The following KCNQ3 variants were observed in gnomAD, a reference collection of about 807,000 sequenced individuals.
KCNQ3 encodes the protein potassium voltage-gated channel subfamily KQT member 3.
KCNQ3 carries 30 observed loss-of-function variants against 92.5 expected under a neutral mutation model. The observed-to-expected ratio is 0.32, with a 90% CI of 0.24 to 0.44. The LOEUF is 0.44. Among genes scored for constraint, KCNQ3 ranks in the 20% least tolerant of loss-of-function variants. The pLI, the probability that KCNQ3 is intolerant of heterozygous loss-of-function variation, is 1.00. For synonymous variants in KCNQ3, 450 were observed against 468.8 expected (o/e 0.96, Z 0.52); for missense variants, 913 against 1,140.3 (o/e 0.80, Z 2.87).
At chr8:132,227,683 A>G (rs1369618812) in intron 1 of KCNQ3, among the ~76,000 whole-genome samples, 1 of 152,196 alleles carries the variant, frequency 6.6e-6, no homozygotes, top group South Asian at 2.1e-4. Flanking sequence ...CCGGGGGCAA[A>G]TGACACTCTC....
chr8:132,182,914 T>A lies in KCNQ3; in HGVS notation c.604+1327A>T, dbSNP rs999752881. On this transcript the variant is annotated intron_variant, in intron 3 of 14. Coordinates refer to ENST00000388996, the MANE Select transcript of KCNQ3 (RefSeq NM_004519.4). ...CACACACACACACACACACACACAC[T>A]CACATACCTTCCGTACATTCAAAAT... 7.4e-4 allele frequency among the ~76,000 whole-genome samples: 98 copies of A among 132,268 alleles called. 1 individual carries two copies. The South Asian group carries it at 0.021, about 28-fold the overall frequency. The allele number at this position is 132,268 out of a possible 152,430, so 86.8% of individuals were successfully genotyped here.
chr8:132,138,132 G>A (rs150953215), intron 11 of KCNQ3, 116 bp from the exon 12 acceptor site: 4 of 1,239,926 alleles, frequency 3.2e-6, no homozygotes, highest in East Asian at 2.4e-5. Flanking sequence ...AAAAGAGCTT[G>A]CTGGAAGAAC....
intron 1 of KCNQ3, among the ~76,000 whole-genome samples, chr8:132,473,401 G>A (rs1042719109): frequency 2.6e-5 from 4 of 152,270 alleles, no homozygotes; most frequent in Non-Finnish European, 5.9e-5. Flanking sequence ...TGGCTGGGAC[G>A]TTGACCAGAT....
intron 4 of KCNQ3, among the ~76,000 whole-genome samples, chr8:132,177,066 C>T (rs17576083): frequency 0.052 from 7,909 of 152,272 alleles, 317 homozygotes; most frequent in Non-Finnish European, 0.074. Flanking sequence ...ATAAGCCTCT[C>T]GCCTATGGAG....
rs570718256 is a variant in KCNQ3, at chr8:132,432,354, G to C, written c.386+47793C>G. Among the ~76,000 whole-genome samples, 7 of 118,394 alleles carry C rather than the reference G, an allele frequency of 5.9e-5. No individual in the cohort carries two copies. The South Asian group carries it at 2.0e-3, about 34-fold the overall frequency. 77.7% of individuals were successfully genotyped at this position (118,394 alleles called of 152,430 possible). On this transcript the variant is annotated intron_variant, in intron 1 of 14. Transcript: ENST00000388996. ...GGGCCTAAGGCAGAAAATGAATACG[G>C]CAAAAAAAAAAAAACCTGGAACATA...
intron 1 of KCNQ3, among the ~76,000 whole-genome samples, chr8:132,230,706 T>C (rs1320781969): frequency 6.6e-6 from 1 of 152,226 alleles, no homozygotes; most frequent in South Asian, 2.1e-4. Flanking sequence ...TACATTTCAC[T>C]GGTTGTTTCC....
chr8:132,383,712 A>C (rs1404344457), intron 1 of KCNQ3, among the ~76,000 whole-genome samples: 1 of 152,196 alleles, frequency 6.6e-6, no homozygotes, highest in Non-Finnish European at 1.5e-5. Context: ...GACCTTGTGG[A>C]TGCGGATCGG....
At chr8:132,163,081 T>C (rs749515489) in intron 9 of KCNQ3, among the ~76,000 whole-genome samples, 1 of 152,168 alleles carries the variant, frequency 6.6e-6, no homozygotes, top group Non-Finnish European at 1.5e-5. Flanking sequence ...AACATGGTCT[T>C]AATATTTGCA....
chr8:132,133,505 G>A (rs1187230356), intron 13 of KCNQ3, among the ~76,000 whole-genome samples: 4 of 151,850 alleles, frequency 2.6e-5, no homozygotes, highest in South Asian at 2.1e-4. Flanking sequence ...ACAGGCAGGC[G>A]CCACCACGCC....
At chr8:132,400,403 T>A (rs28391818) in intron 1 of KCNQ3, among the ~76,000 whole-genome samples, 5,936 of 152,314 alleles carry the variant, frequency 0.039, 165 homozygotes, top group Middle Eastern at 0.078. Context: ...TACAATAACC[T>A]AAATGAAAGT....
At chr8:132,196,050 T>A (rs141200856) in intron 1 of KCNQ3, among the ~76,000 whole-genome samples, 7 of 152,334 alleles carry the variant, frequency 4.6e-5, no homozygotes, top group Non-Finnish European at 8.8e-5. Flanking sequence ...ATATTAGTTT[T>A]CTTTCCTAGG....
At chr8:132,343,820 A>G (rs1404914753) in intron 1 of KCNQ3, among the ~76,000 whole-genome samples, 1 of 152,100 alleles carries the variant, frequency 6.6e-6, no homozygotes, top group African/African-American at 2.4e-5. Context: ...TGCAGTCTTC[A>G]GTTCCATATT....
intron 1 of KCNQ3, among the ~76,000 whole-genome samples, chr8:132,376,527 T>G (rs1387372105): frequency 6.6e-6 from 1 of 152,198 alleles, no homozygotes; most frequent in East Asian, 1.9e-4. Flanking sequence ...GAAGCCTACA[T>G]GCTGAGAACT....
At chr8:132,177,000 G>A (rs557798382) in intron 4 of KCNQ3, among the ~76,000 whole-genome samples, 18 of 152,306 alleles carry the variant, frequency 1.2e-4, no homozygotes, top group African/African-American at 4.1e-4. Flanking sequence ...TGTGCTGCAG[G>A]GAATTTGAGG....
intron 1 of KCNQ3, among the ~76,000 whole-genome samples, chr8:132,402,884 G>A (rs1320237650): frequency 6.6e-6 from 1 of 151,738 alleles, no homozygotes; most frequent in African/African-American, 2.4e-5. Flanking sequence ...GGGCGTGGCA[G>A]TGCATGCCTG....
At chr8:132,319,740 C>T (rs930645529) in intron 1 of KCNQ3, among the ~76,000 whole-genome samples, 5 of 152,202 alleles carry the variant, frequency 3.3e-5, no homozygotes, top group African/African-American at 7.2e-5. Flanking sequence ...GGATCACTGA[C>T]GCAGCATGAT....
At position 132,196,077 on chromosome 8, in the gene KCNQ3, T is replaced by A. The variant is rs144921836; in HGVS notation, c.387-9896A>T. On this transcript the variant is annotated intron_variant, in intron 1 of 14. Transcript: ENST00000388996. ...TTTCCTAGGCTTACTTCTTCATTCT[T>A]TCTCCCTCCAGTCACATCAAACTTA... Among the ~76,000 whole-genome samples the A allele has an allele frequency of 2.2e-4, 33 of 152,318 alleles. No homozygotes were observed. In the East Asian group the frequency reaches 4.1e-3, roughly 19 times the overall value.
intron 1 of KCNQ3, among the ~76,000 whole-genome samples, chr8:132,326,730 C>T (rs575005837): frequency 1.3e-5 from 2 of 152,284 alleles, no homozygotes; most frequent in Non-Finnish European, 1.5e-5. Context: ...CATAAAGCAC[C>T]AATCCTACCC....
At chr8:132,378,373 C>A (rs1296933434) in intron 1 of KCNQ3, among the ~76,000 whole-genome samples, 1 of 151,708 alleles carries the variant, frequency 6.6e-6, no homozygotes, top group Non-Finnish European at 1.5e-5. Flanking sequence ...GCCTGGGTGA[C>A]AGAGCAAGAC....
Sources: allele counts gnomAD v4.1 joint callset (sites outside exome capture counted in the v4.1 genomes callset), GRCh38; gene constraint gnomAD v4.1.1; transcripts MANE v1.5; gene names NCBI Gene and HGNC (gene_info 2026-07-23, HGNC 2026-07-21).